Variants in NRG3 observed in about 807,000 individuals in gnomAD.
The protein encoded by NRG3 is pro-neuregulin-3, membrane-bound isoform.
In NRG3, 31 loss-of-function variants were observed where a neutral mutation model predicts 66.9. That is an observed-to-expected ratio of 0.46 (90% CI 0.35 to 0.63). The LOEUF is 0.63. Among genes scored for constraint, NRG3 ranks in the 20% least tolerant of loss-of-function variants. The pLI, the probability that NRG3 is intolerant of heterozygous loss-of-function variation, is 0.00. For missense variants in NRG3, 910 were observed against 878.9 expected (o/e 1.04, Z -0.45); for synonymous variants, 393 against 359.4 (o/e 1.09, Z -1.06).
chr10:82,169,079 T>G (rs59235034), intron 1 of NRG3, among the ~76,000 whole-genome samples: 2,675 of 152,232 alleles, frequency 0.018, 87 homozygotes, highest in African/African-American at 0.061. Flanking sequence ...GCTTACCATC[T>G]TAATACTCAC....
At chr10:82,264,391 G>A (rs189769290) in intron 1 of NRG3, among the ~76,000 whole-genome samples, 140 of 152,144 alleles carry the variant, frequency 9.2e-4, no homozygotes, top group Non-Finnish European at 9.6e-4. Context: ...AGAACAGCCC[G>A]GGGGAAACTG....
intron 1 of NRG3, among the ~76,000 whole-genome samples, chr10:82,344,500 T>C (rs1266947222): frequency 6.8e-6 from 1 of 147,488 alleles, no homozygotes; most frequent in East Asian, 2.0e-4. Flanking sequence ...TCTTTGCTAT[T>C]GTGAATAATG....
At chr10:82,417,186 G>A (rs7089201) in intron 2 of NRG3, among the ~76,000 whole-genome samples, 35,052 of 151,898 alleles carry the variant, frequency 0.23, 4,960 homozygotes, top group African/African-American at 0.39. Flanking sequence ...CAAAATTAAA[G>A]TAACAACTTT....
At chr10:82,600,639 T>G (rs1447677737) in intron 2 of NRG3, among the ~76,000 whole-genome samples, 1 of 152,000 alleles carries the variant, frequency 6.6e-6, no homozygotes, top group Non-Finnish European at 1.5e-5. Context: ...TGGGCTAATT[T>G]TTGTATTTTT....
chr10:82,966,584 G>T (rs1851227567), intron 6 of NRG3, among the ~76,000 whole-genome samples: 1 of 151,968 alleles, frequency 6.6e-6, no homozygotes, highest in African/African-American at 2.4e-5. Context: ...CTCTCCTTTT[G>T]CATAGAATAC....
At chr10:81,902,720 G>A (rs1231268167) in intron 1 of NRG3, among the ~76,000 whole-genome samples, 1 of 152,192 alleles carries the variant, frequency 6.6e-6, no homozygotes, top group African/African-American at 2.4e-5. Flanking sequence ...TGCCTTATAA[G>A]AAGGTAGGAT....
intron 2 of NRG3, among the ~76,000 whole-genome samples, chr10:82,725,413 TTGCACACTGTG>T (rs2057540511): frequency 1.3e-5 from 2 of 152,216 alleles, no homozygotes; most frequent in African/African-American, 4.8e-5. Flanking sequence ...TATTCTACCC[TTGCACACTGTG>T]TGAGCTCACT....
chr10:82,041,810 ATCTCTC>A (rs71007288), intron 1 of NRG3, among the ~76,000 whole-genome samples: 4 of 93,980 alleles, frequency 4.3e-5, no homozygotes, highest in Admixed American at 1.2e-4. Flanking sequence ...TGGTCTACTG[ATCTCTC>A]TCTCTCTCTC....
intron 3 of NRG3, chr10:82,799,942 C>G (rs1028547421): frequency 2.6e-5 from 4 of 152,170 alleles, no homozygotes; most frequent in African/African-American, 9.7e-5. Context: ...TTGGTCCTGG[C>G]TCCATGGAGG....
At chr10:82,475,903 AC>A (rs1485093641) in intron 2 of NRG3, among the ~76,000 whole-genome samples, 7 of 152,198 alleles carry the variant, frequency 4.6e-5, no homozygotes, top group African/African-American at 1.7e-4. Flanking sequence ...TGAAAAGGCA[AC>A]CCATGGAATG....
rs533891220 is a variant in NRG3, at chr10:82,237,525, C to CTTCA, written c.824-121192_824-121189dup. Reference sequence around the variant, plus strand: ...CTCTGTGAAGGCTGAACTATGTCTACTTCATTCATTCATTCATTCATTCAT... The same window carrying CTTCA: ...CTCTGTGAAGGCTGAACTATGTCTACTTCATTCATTCATTCATTCATTCATTCAT... On this transcript the variant is annotated intron_variant, in intron 1 of 8. Coordinates refer to ENST00000372141, the MANE Select transcript of NRG3 (RefSeq NM_001010848.4). Among the ~76,000 whole-genome samples the CTTCA allele has an allele frequency of 2.2e-3, 338 of 151,798 alleles. No individual in the cohort carries two copies. In the Middle Eastern group the frequency reaches 0.048, roughly 22 times the overall value.
At chr10:82,227,771 TA>T (rs1234507835) in intron 1 of NRG3, among the ~76,000 whole-genome samples, 1 of 152,240 alleles carries the variant, frequency 6.6e-6, no homozygotes, top group Non-Finnish European at 1.5e-5. Flanking sequence ...TACTCCAAGA[TA>T]GACTGGTAAG....
At chr10:82,142,669 C>T (rs557818858) in intron 1 of NRG3, among the ~76,000 whole-genome samples, 5 of 151,452 alleles carry the variant, frequency 3.3e-5, no homozygotes, top group South Asian at 2.1e-4. Flanking sequence ...TTTATGACAA[C>T]GTAATGTATC....
intron 2 of NRG3, among the ~76,000 whole-genome samples, chr10:82,550,800 G>C (rs2132881964): frequency 6.6e-6 from 1 of 152,168 alleles, no homozygotes; most frequent in East Asian, 1.9e-4. Flanking sequence ...GTGTTGCAGG[G>C]CTAACATTCT....
intron 2 of NRG3, among the ~76,000 whole-genome samples, chr10:82,447,437 G>GA (rs922313313): frequency 6.6e-6 from 1 of 151,630 alleles, no homozygotes; most frequent in Non-Finnish European, 1.5e-5. Flanking sequence ...TAATAAATAA[G>GA]AAAAAAAATT....
chr10:82,312,481 T>C (rs2081079176), intron 1 of NRG3, among the ~76,000 whole-genome samples: 1 of 152,350 alleles, frequency 6.6e-6, no homozygotes, highest in African/African-American at 2.4e-5. Flanking sequence ...TCAATCTTTT[T>C]ACCTGTATCT....
intron 2 of NRG3, among the ~76,000 whole-genome samples, chr10:82,480,670 C>G (rs377159493): frequency 6.6e-6 from 1 of 152,198 alleles, no homozygotes; most frequent in Admixed American, 6.5e-5. Flanking sequence ...CTGGTCCACA[C>G]GTATTCATAC....
chr10:82,196,984 T>C (rs563355281), intron 1 of NRG3, among the ~76,000 whole-genome samples: 3 of 152,208 alleles, frequency 2.0e-5, no homozygotes, highest in Admixed American at 6.5e-5. Context: ...CTCTGAGTTG[T>C]CTAGTGAGTA....
At chr10:81,924,619 G>C (rs753675783) in intron 1 of NRG3, among the ~76,000 whole-genome samples, 1 of 152,210 alleles carries the variant, frequency 6.6e-6, no homozygotes, top group Non-Finnish European at 1.5e-5. Context: ...CCATCAACAT[G>C]TGAGGTAGGG....
Sources: allele counts gnomAD v4.1 joint callset (sites outside exome capture counted in the v4.1 genomes callset), GRCh38; gene constraint gnomAD v4.1.1; transcripts MANE v1.5; gene names NCBI Gene and HGNC (gene_info 2026-07-23, HGNC 2026-07-21).